Variants in SPATA17 observed in about 807,000 individuals in gnomAD.
The protein encoded by SPATA17 is spermatogenesis-associated protein 17.
A neutral mutation model predicts 62.2 loss-of-function variants in SPATA17; 53 were observed. That is an observed-to-expected ratio of 0.85 (90% CI 0.68 to 1.07). The LOEUF (loss-of-function observed/expected upper bound fraction) is 1.07. Ranked by LOEUF, SPATA17 falls within the 50% of genes least tolerant of loss-of-function variation. The probability of loss-of-function intolerance (pLI) is 0.00; values close to 1 mark genes in which losing one functional copy is unlikely to be tolerated. For missense variants in SPATA17, 466 were observed against 425.5 expected (o/e 1.10, Z -0.84); for synonymous variants, 146 against 146.8 (o/e 0.99, Z 0.04).
chr1:217,771,349 A>G (rs1344500336), intron 6 of SPATA17, among the ~76,000 whole-genome samples: 1 of 152,010 alleles, frequency 6.6e-6, no homozygotes, highest in Non-Finnish European at 1.5e-5. Context: ...GAAAAATGTG[A>G]AAACTGAAAA....
At chr1:217,836,749 AAGAGCT>A (rs1675270076) in intron 9 of SPATA17, among the ~76,000 whole-genome samples, 1 of 152,112 alleles carries the variant, frequency 6.6e-6, no homozygotes. Context: ...TTTTGTGACA[AAGAGCT>A]ATGACCTCTC....
intron 9 of SPATA17, among the ~76,000 whole-genome samples, chr1:217,852,824 T>C (rs1675695796): frequency 6.6e-6 from 1 of 152,130 alleles, no homozygotes; most frequent in South Asian, 2.1e-4. Flanking sequence ...CTCACCTCCT[T>C]TGGGTTTGTC....
chr1:217,820,494 A>G (rs1674832017), intron 9 of SPATA17, among the ~76,000 whole-genome samples: 1 of 151,736 alleles, frequency 6.6e-6, no homozygotes, highest in South Asian at 2.1e-4. Context: ...ATTGAGTATG[A>G]TGTTTTCTGA....
At chr1:217,734,469 C>G (rs1310545326) in intron 5 of SPATA17, among the ~76,000 whole-genome samples, 1 of 152,150 alleles carries the variant, frequency 6.6e-6, no homozygotes, top group African/African-American at 2.4e-5. Context: ...TCCGGAATAG[C>G]TGGTATTACA....
chr1:217,640,160 G>C (rs1462604431), intron 1 of SPATA17, among the ~76,000 whole-genome samples: 1 of 151,414 alleles, frequency 6.6e-6, no homozygotes, highest in Non-Finnish European at 1.5e-5. Context: ...TATTGTGTGA[G>C]ATAGAGGCCT....
intron 9 of SPATA17, among the ~76,000 whole-genome samples, chr1:217,821,371 G>C (rs1277904815): frequency 6.6e-6 from 1 of 152,050 alleles, no homozygotes; most frequent in Non-Finnish European, 1.5e-5. Context: ...TGTGAGGAAG[G>C]CTAAGAGAAT....
rs528171359 is a variant in SPATA17, at chr1:217,680,976, C to T, written c.292-2282C>T. Among the ~76,000 whole-genome samples the T allele has an allele frequency of 1.6e-4, 22 of 133,870 alleles. No homozygotes were observed. The South Asian group carries it at 5.1e-3, about 31-fold the overall frequency. 87.8% of individuals were successfully genotyped at this position (133,870 alleles called of 152,430 possible). A position where few individuals can be genotyped will look rare whatever the true frequency, so the allele number is the denominator to read the frequency against. On this transcript the variant is annotated intron_variant, in intron 4 of 10. Coordinates refer to ENST00000366933, the MANE Select transcript of SPATA17 (RefSeq NM_138796.4). ...GGGCACGGTGGCTCACGCCTGTAAT[C>T]CCAGCACCTTGGGAGGCCAAGGCAG...
rs1157597799 is a variant in SPATA17 at position 217,774,637 on chromosome 1, A to G, written c.723+100A>G. The G allele has an allele frequency of 8.3e-6, 8 of 965,524 alleles. No homozygotes were observed. The Admixed American group carries it at 1.4e-4, about 17-fold the overall frequency. 59.8% of individuals were successfully genotyped at this position (965,524 alleles called of 1,614,324 possible). On this transcript the variant is annotated intron_variant, in intron 7 of 10. Transcript: ENST00000366933. ...TCTTAATTTAACCATTTTTAATTATATAGTTTAGTGGGATTAAGTACATTC... is the reference window on the plus strand; with the variant it reads ...TCTTAATTTAACCATTTTTAATTATGTAGTTTAGTGGGATTAAGTACATTC...
intron 9 of SPATA17, among the ~76,000 whole-genome samples, chr1:217,859,153 A>T (rs1298428880): frequency 2.7e-5 from 4 of 146,774 alleles, no homozygotes; most frequent in Non-Finnish European, 4.5e-5. Context: ...ATAATTTTAT[A>T]TATAATATAT....
At chr1:217,717,553 G>A (rs1271226825) in intron 5 of SPATA17, among the ~76,000 whole-genome samples, 1 of 152,100 alleles carries the variant, frequency 6.6e-6, no homozygotes, top group Middle Eastern at 3.2e-3. Context: ...AGAGGTTGCG[G>A]TGTTCTGATA....
chr1:217,809,931 T>A (rs772519389), intron 9 of SPATA17, among the ~76,000 whole-genome samples: 4 of 152,248 alleles, frequency 2.6e-5, no homozygotes, highest in Non-Finnish European at 4.4e-5. Context: ...TGTAATGTGA[T>A]CTGTATCCCA....
At chr1:217,698,678 A>G (rs1366226562) in intron 5 of SPATA17, among the ~76,000 whole-genome samples, 3 of 151,838 alleles carry the variant, frequency 2.0e-5, no homozygotes, top group Non-Finnish European at 4.4e-5. Flanking sequence ...CCTTGATACA[A>G]GCCATCAGTC....
chr1:217,725,356 T>A (rs1040067086), intron 5 of SPATA17, among the ~76,000 whole-genome samples: 1 of 152,090 alleles, frequency 6.6e-6, no homozygotes, highest in Non-Finnish European at 1.5e-5. Flanking sequence ...TATAAAATAC[T>A]TTTTTTTCCA....
intron 9 of SPATA17, among the ~76,000 whole-genome samples, chr1:217,826,941 C>T (rs1453496897): frequency 6.6e-6 from 1 of 152,088 alleles, no homozygotes; most frequent in South Asian, 2.1e-4. Flanking sequence ...AAACTATACT[C>T]AACATGGTAA....
chr1:217,771,588 G>C (rs1350685374), intron 6 of SPATA17, among the ~76,000 whole-genome samples: 1 of 152,126 alleles, frequency 6.6e-6, no homozygotes, highest in Non-Finnish European at 1.5e-5. Context: ...TTGTGGGAGT[G>C]CTGGACTGTT....
At chr1:217,642,877 A>G (rs995305111) in intron 1 of SPATA17, among the ~76,000 whole-genome samples, 1 of 152,188 alleles carries the variant, frequency 6.6e-6, no homozygotes, top group African/African-American at 2.4e-5. Context: ...TAGTATCTTT[A>G]TAGCAGTGTG....
intron 5 of SPATA17, among the ~76,000 whole-genome samples, chr1:217,712,139 T>TTTTTTTTTTTG (rs1671884438): frequency 6.7e-6 from 1 of 149,954 alleles, no homozygotes; most frequent in African/African-American, 2.5e-5. Context: ...TTTTGTTTTT[T>TTTTTTTTTTTG]TTTTTTTACG....
At chr1:217,648,488 G>A (rs1558550832) in intron 1 of SPATA17, among the ~76,000 whole-genome samples, 4 of 152,304 alleles carry the variant, frequency 2.6e-5, no homozygotes, top group Non-Finnish European at 5.9e-5. Flanking sequence ...AGTGAAATAT[G>A]TGAGCATTTT....
At chr1:217,776,688 A>AG (rs1421699956) in intron 7 of SPATA17, among the ~76,000 whole-genome samples, 1 of 151,676 alleles carries the variant, frequency 6.6e-6, no homozygotes, top group Non-Finnish European at 1.5e-5. Context: ...AAAAAAAAAA[A>AG]AAAAAAAAGA....
Sources: gnomAD v4.1 joint callset for allele counts (sites outside exome capture counted in the v4.1 genomes callset) on GRCh38, gnomAD v4.1.1 for gene constraint, MANE v1.5 for transcripts, NCBI Gene and HGNC (gene_info 2026-07-23, HGNC 2026-07-21) for gene names.